The following ABCA12 variants were observed in gnomAD, a reference collection of about 807,000 sequenced individuals.
The protein encoded by ABCA12 is glucosylceramide transporter ABCA12.
Under a neutral mutation model 293.5 loss-of-function variants are expected in ABCA12, and 156 were observed. The ratio of observed to expected loss-of-function variants is 0.53; its 90% CI spans 0.47 to 0.61. The LOEUF is 0.61. ABCA12 is among the 20% of genes least tolerant of loss of function. The pLI, the probability that ABCA12 is intolerant of heterozygous loss-of-function variation, is 0.00. For missense variants in ABCA12, 2,797 were observed against 3,090.2 expected, an observed-to-expected ratio of 0.91 and a Z score of 2.25; for synonymous variants, 1,063 against 1,108.0, an observed-to-expected ratio of 0.96 and a Z score of 0.81.
intron 2 of ABCA12, among the ~76,000 whole-genome samples, chr2:215,097,530 G>A (rs1575042242): frequency 1.3e-5 from 2 of 152,220 alleles, no homozygotes; most frequent in African/African-American, 4.8e-5. Flanking sequence ...GTGTTTTGGG[G>A]TGTGCACAGC....
rs1240201376 is a variant in ABCA12, at chr2:214,980,556, C to T, written c.4667G>A (p.Arg1556Lys). The T allele has an allele frequency of 1.1e-5, 18 of 1,613,910 alleles. No homozygotes were observed. Among genetic ancestry groups the T allele is most frequent in the Admixed American group, 3.3e-5 (2 of 59,990 alleles). The change falls in exon 31 of 53, where the codon AGG (arginine) becomes AAG (lysine). Residue 1556 changes from arginine (R) to lysine (K), a missense_variant. Transcript: ENST00000272895. ...RIAFLEQGGL[R>K]CCGSPFYLKE... ...GAGGTAAAATGGGGACCCACAGCAC[C>T]TAAGCCCACCCTGCTCCAGGAAGGC...
At chr2:214,937,735 A>G in intron 50 of ABCA12, 120 bp from the exon 51 acceptor site, 1 of 721,674 alleles carries the variant, frequency 1.4e-6, no homozygotes, top group Non-Finnish European at 2.4e-6. Context: ...CTTTATATGA[A>G]GACTATCATT....
At chr2:215,110,162 A>G (rs1702542098) in intron 2 of ABCA12, among the ~76,000 whole-genome samples, 1 of 152,178 alleles carries the variant, frequency 6.6e-6, no homozygotes, top group African/African-American at 2.4e-5. Context: ...TTTATGAACA[A>G]TCAAATAAAA....
At chr2:214,944,682 A>C (rs531148886) in intron 49 of ABCA12, among the ~76,000 whole-genome samples, 1 of 152,200 alleles carries the variant, frequency 6.6e-6, no homozygotes, top group East Asian at 1.9e-4. Flanking sequence ...GAGGGCCATA[A>C]GTCATGAGAA....
At chr2:215,094,255 C>A (rs1470650535) in intron 2 of ABCA12, among the ~76,000 whole-genome samples, 1 of 152,228 alleles carries the variant, frequency 6.6e-6, no homozygotes, top group Non-Finnish European at 1.5e-5. Context: ...CTCAAGGCCA[C>A]TTTACTTCCA....
chr2:214,973,761 T>C (rs950526830), intron 36 of ABCA12, among the ~76,000 whole-genome samples, 188 bp downstream of exon 36: 1 of 152,220 alleles, frequency 6.6e-6, no homozygotes, highest in Non-Finnish European at 1.5e-5. Flanking sequence ...GGTCCTGAGA[T>C]GGATTTAAAA....
intron 44 of ABCA12, among the ~76,000 whole-genome samples, chr2:214,953,645 C>T (rs373029367): frequency 3.7e-4 from 57 of 152,328 alleles, no homozygotes; most frequent in Non-Finnish European, 5.6e-4. Context: ...TTCCCTCACT[C>T]AACAGCAATA....
chr2:214,997,666 T>G (rs1700063937), intron 23 of ABCA12, 29 bp downstream of exon 23: 2 of 1,475,064 alleles, frequency 1.4e-6, no homozygotes, highest in Non-Finnish European at 1.9e-6. Context: ...ACAGGACTTA[T>G]TCATAACAAG....
intron 18 of ABCA12, among the ~76,000 whole-genome samples, chr2:215,008,396 AACAC>A (rs144250227): frequency 6.6e-6 from 1 of 150,880 alleles, no homozygotes; most frequent in Non-Finnish European, 1.5e-5. Flanking sequence ...TAGCAAGAAA[AACAC>A]ACACACACAC....
intron 2 of ABCA12, among the ~76,000 whole-genome samples, chr2:215,103,404 G>C (rs1702399519): frequency 6.6e-6 from 1 of 151,718 alleles, no homozygotes; most frequent in Non-Finnish European, 1.5e-5. Flanking sequence ...AAGTAGCTGG[G>C]ATTACAGGTG....
intron 1 of ABCA12, among the ~76,000 whole-genome samples, chr2:215,116,849 T>C (rs1702697071): frequency 6.6e-6 from 1 of 152,146 alleles, no homozygotes; most frequent in Admixed American, 6.5e-5. Flanking sequence ...CAATTGGTCA[T>C]GAAGGTTCAA....
intron 39 of ABCA12, among the ~76,000 whole-genome samples, chr2:214,966,453 AAAAG>A (rs1438396429): frequency 6.6e-6 from 1 of 152,234 alleles, no homozygotes; most frequent in Non-Finnish European, 1.5e-5. Context: ...CATATGTCAA[AAAAG>A]AAAGAAAAGT....
chr2:214,984,376 A>G (rs1574962317), intron 28 of ABCA12, among the ~76,000 whole-genome samples: 2 of 152,284 alleles, frequency 1.3e-5, no homozygotes, highest in South Asian at 2.1e-4. Flanking sequence ...GATTACAGGC[A>G]TGAGCCACTG....
At chr2:215,131,823 ATGTTAAAT>A (rs1356873399) in intron 1 of ABCA12, among the ~76,000 whole-genome samples, 13 of 148,614 alleles carry the variant, frequency 8.7e-5, no homozygotes, top group African/African-American at 3.2e-4. Context: ...TTCAAGTGTG[ATGTTAAAT>A]TGTTAATTTG....
At chr2:215,129,578 T>C (rs1259732798) in intron 1 of ABCA12, among the ~76,000 whole-genome samples, 3 of 152,202 alleles carry the variant, frequency 2.0e-5, no homozygotes, top group Non-Finnish European at 2.9e-5. Flanking sequence ...AATGGGGTTG[T>C]TCGTTTTCTT....
At chr2:214,994,824 G>A (rs1404890658) in intron 23 of ABCA12, among the ~76,000 whole-genome samples, 1 of 152,018 alleles carries the variant, frequency 6.6e-6, no homozygotes, top group Non-Finnish European at 1.5e-5. Context: ...CACCTCTGCG[G>A]CCCACATATA....
At chr2:214,996,562 A>G (rs1458407990) in intron 23 of ABCA12, among the ~76,000 whole-genome samples, 3 of 152,220 alleles carry the variant, frequency 2.0e-5, no homozygotes, top group Admixed American at 6.5e-5. Context: ...CTAAATTGGA[A>G]TTAGAAAACC....
chr2:215,108,131 A>G (rs1702500301), intron 2 of ABCA12, among the ~76,000 whole-genome samples: 1 of 152,114 alleles, frequency 6.6e-6, no homozygotes, highest in Non-Finnish European at 1.5e-5. Context: ...TCACTTCTCT[A>G]TTGCCCAACT....
chr2:215,052,637 A>G (rs1464388023), intron 4 of ABCA12, 53 bp from the exon 5 acceptor site: 2 of 1,415,026 alleles, frequency 1.4e-6, no homozygotes, highest in African/African-American at 2.8e-5. Context: ...ACACAAATGC[A>G]CAGGACCACA....
Sources: allele counts gnomAD v4.1 joint callset (sites outside exome capture counted in the v4.1 genomes callset), GRCh38; gene constraint gnomAD v4.1.1; transcripts MANE v1.5; gene names NCBI Gene and HGNC (gene_info 2026-07-23, HGNC 2026-07-21).